The following KCND3 variants were observed in gnomAD, a reference collection of about 807,000 sequenced individuals.
The protein encoded by KCND3 is potassium voltage-gated channel subfamily D member 3, also known as A-type voltage-gated potassium channel KCND3.
A neutral mutation model predicts 51.1 loss-of-function variants in KCND3; 9 were observed. The observed-to-expected ratio is 0.18, with a 90% CI of 0.11 to 0.31. KCND3 has a LOEUF of 0.31. KCND3 is among the 10% of genes least tolerant of loss of function. The pLI is 1.00. For missense variants in KCND3, 526 were observed against 903.8 expected, an observed-to-expected ratio of 0.58 and a Z score of 5.36; for synonymous variants, 349 against 368.0, an observed-to-expected ratio of 0.95 and a Z score of 0.59.
intron 2 of KCND3, among the ~76,000 whole-genome samples, chr1:111,864,213 A>C (rs1206257257): frequency 1.3e-5 from 2 of 152,186 alleles, no homozygotes; most frequent in African/African-American, 4.8e-5. Context: ...TCTCAGTCCC[A>C]CATGGCACTC....
chr1:111,936,461 AG>A (rs1213060107), intron 2 of KCND3, among the ~76,000 whole-genome samples: 1 of 152,216 alleles, frequency 6.6e-6, no homozygotes, highest in Non-Finnish European at 1.5e-5. Flanking sequence ...GTGACCAGAG[AG>A]GAAGGCGAAA....
In KCND3 at chr1:111,938,130, G is replaced by A. The variant is rs56386881; in HGVS notation, c.1106+43491C>T. ...AAGCCCTCATAAAAACAGAATCATT[G>A]ACTGTTAGTGATGGAAGAAACCCTG... On this transcript the variant is annotated intron_variant, in intron 2 of 7. Transcript: ENST00000302127. Among the ~76,000 whole-genome samples the A allele has an allele frequency of 2.3e-3, 348 of 152,224 alleles. 1 individual carries two copies. The highest frequency in any genetic ancestry group is 3.6e-3 in the Non-Finnish European group (248 of 68,014).
At chr1:111,866,621 C>CACACACACACACAT (rs1310806782) in intron 2 of KCND3, among the ~76,000 whole-genome samples, 2 of 151,228 alleles carry the variant, frequency 1.3e-5, no homozygotes, top group African/African-American at 4.9e-5. Context: ...CACACACACA[C>CACACACACACACAT]ACGGCTGAGA....
intron 1 of KCND3, among the ~76,000 whole-genome samples, chr1:111,984,887 G>C (rs948577436): frequency 2.0e-5 from 3 of 152,096 alleles, no homozygotes; most frequent in Non-Finnish European, 4.4e-5. Context: ...TCCTCACTAT[G>C]AGATTCTCTT....
At chr1:111,779,747 T>C in intron 5 of KCND3, among the ~76,000 whole-genome samples, 1 of 152,200 alleles carries the variant, frequency 6.6e-6, no homozygotes, top group African/African-American at 2.4e-5. Context: ...GTTGGAGAAA[T>C]ACATGCACTA....
chr1:111,898,503 C>T (rs918839096), intron 2 of KCND3, among the ~76,000 whole-genome samples: 1 of 152,208 alleles, frequency 6.6e-6, no homozygotes, highest in Non-Finnish European at 1.5e-5. Context: ...AGACTACAAG[C>T]TTCCTGAGGG....
chr1:111,919,236 A>C (rs761853405), intron 2 of KCND3, among the ~76,000 whole-genome samples: 103 of 150,568 alleles, frequency 6.8e-4, no homozygotes, highest in Admixed American at 1.7e-3. Flanking sequence ...ACAAGTGTAC[A>C]AGTAAATGAA....
intron 2 of KCND3, among the ~76,000 whole-genome samples, chr1:111,889,697 A>G (rs1490596777): frequency 6.6e-6 from 1 of 152,206 alleles, no homozygotes; most frequent in East Asian, 1.9e-4. Flanking sequence ...TTTCACATAA[A>G]CAAAAGGAGC....
At chr1:111,922,756 G>A (rs72694610) in intron 2 of KCND3, among the ~76,000 whole-genome samples, 10 of 152,350 alleles carry the variant, frequency 6.6e-5, no homozygotes, top group Non-Finnish European at 1.3e-4. Context: ...TCTGCATCTA[G>A]CAATTAGCAG....
intron 2 of KCND3, chr1:111,910,353 C>T (rs1277502776): frequency 2.0e-5 from 3 of 152,244 alleles, no homozygotes; most frequent in African/African-American, 4.8e-5. Context: ...CAAGAAGTCT[C>T]CAGTTCACAC....
intron 6 of KCND3, among the ~76,000 whole-genome samples, chr1:111,777,529 A>G (rs1664182901): frequency 6.6e-6 from 1 of 152,210 alleles, no homozygotes; most frequent in Non-Finnish European, 1.5e-5. Flanking sequence ...GATGTGACAT[A>G]TACTTCACCT....
At chr1:111,898,274 A>G (rs746524770) in intron 2 of KCND3, among the ~76,000 whole-genome samples, 17 of 152,162 alleles carry the variant, frequency 1.1e-4, no homozygotes, top group Non-Finnish European at 1.8e-4. Context: ...GTGGGAAACA[A>G]AAGTGAATTT....
intron 2 of KCND3, among the ~76,000 whole-genome samples, chr1:111,959,005 C>A (rs985446578): frequency 6.6e-6 from 1 of 152,216 alleles, no homozygotes; most frequent in African/African-American, 2.4e-5. Context: ...CACCCAATGA[C>A]AGATCCATAT....
chr1:111,793,409 C>G (rs1385883080), intron 2 of KCND3, among the ~76,000 whole-genome samples: 3 of 151,156 alleles, frequency 2.0e-5, no homozygotes, highest in Admixed American at 2.0e-4. Flanking sequence ...GATCTCTTGA[C>G]CTCGTGATCT....
intron 2 of KCND3, among the ~76,000 whole-genome samples, chr1:111,815,041 C>T (rs1424889186): frequency 3.3e-5 from 5 of 152,206 alleles, no homozygotes; most frequent in Non-Finnish European, 2.9e-5. Flanking sequence ...GCTGCTCCTG[C>T]CTCAGAGAGG....
chr1:111,775,818 G>GGCCCCCCCCCCCCCCCCC lies in KCND3; in HGVS notation c.*258_*259insGGGGGGGGGGGGGGGGGC. 5.0e-5 allele frequency: 5 copies of GGCCCCCCCCCCCCCCCCC among 99,730 alleles called. 2 individuals carry two copies. Among genetic ancestry groups the GGCCCCCCCCCCCCCCCCC allele is most frequent in the Non-Finnish European group, 9.7e-5 (5 of 51,434 alleles). 6.2% of individuals were successfully genotyped at this position (99,730 alleles called of 1,614,324 possible). Reference sequence around the variant, plus strand: ...AGCCTATATCCCCCGGCCTATCCCCGACCCCCCCACCCTCCCTCCCTTCCT... The same window carrying GGCCCCCCCCCCCCCCCCC: ...AGCCTATATCCCCCGGCCTATCCCCGGCCCCCCCCCCCCCCCCCACCCCCCCACCCTCCCTCCCTTCCT... On this transcript the variant is annotated 3_prime_UTR_variant, in exon 8 of 8. Coordinates refer to ENST00000302127, the MANE Select transcript of KCND3 (RefSeq NM_001378969.1).
rs142744204 is a variant in KCND3 at position 111,982,086 on chromosome 1, T to C, written c.641A>G (p.Lys214Arg). Residue 214 changes from lysine to arginine, a missense_variant, in exon 2 of 8, where the codon AAG becomes AGG. Around this residue, in one of 5 missense-constraint regions of KCND3, gnomAD observed 51 missense variants for 84.7 expected, o/e 0.60. Transcript: ENST00000302127. The surrounding 1 kb of genome is among the most constrained non-coding windows in gnomAD (Gnocchi z 8.5). ...GTAGCGCTCCCCGCACGGCAGCTCC[T>C]TGCTGCCCGGGACCGTGCCGCACGG... ...TVPCGTVPGS[K>R]ELPCGERYSV... is the part of the protein sequence containing the mutation. The C allele has an allele frequency of 3.0e-4, 481 of 1,613,754 alleles. 2 individuals are homozygous for C. The highest frequency in any genetic ancestry group is 1.8e-3 in the Middle Eastern group (11 of 6,062).
intron 2 of KCND3, among the ~76,000 whole-genome samples, chr1:111,924,886 C>A (rs1243012269): frequency 1.3e-5 from 2 of 152,212 alleles, no homozygotes; most frequent in Non-Finnish European, 2.9e-5. Context: ...GAAGCCAGAC[C>A]CTGCATGTGT....
intron 2 of KCND3, among the ~76,000 whole-genome samples, chr1:111,907,490 CCAACCCA>C (rs1670703148): frequency 6.6e-6 from 1 of 152,186 alleles, no homozygotes; most frequent in Non-Finnish European, 1.5e-5. Context: ...GGAATGGAGA[CCAACCCA>C]CAACCATGTG....
Sources: allele counts gnomAD v4.1 joint callset (sites outside exome capture counted in the v4.1 genomes callset), GRCh38; gene constraint gnomAD v4.1.1; regional missense constraint gnomAD v4.1.1; non-coding constraint Gnocchi (gnomAD v3.1); transcripts MANE v1.5; gene names NCBI Gene and HGNC (gene_info 2026-07-23, HGNC 2026-07-21).